The following DNER variants were observed in gnomAD, a reference collection of about 807,000 sequenced individuals.
DNER encodes the protein delta and Notch-like epidermal growth factor-related receptor.
In DNER, 33 loss-of-function variants were observed where a neutral mutation model predicts 78.2. The ratio of observed to expected loss-of-function variants is 0.42; its 90% CI spans 0.32 to 0.56. The LOEUF (loss-of-function observed/expected upper bound fraction) is 0.56, where lower values mean the gene tolerates loss of function less well. Ranked by LOEUF, DNER falls within the 20% of genes least tolerant of loss-of-function variation. The pLI is 0.11. For missense variants in DNER, 918 were observed against 975.3 expected (o/e 0.94, Z 0.78); for synonymous variants, 417 against 384.8 (o/e 1.08, Z -0.98).
intron 5 of DNER, among the ~76,000 whole-genome samples, chr2:229,535,549 C>T (rs919071179): frequency 1.3e-5 from 2 of 152,144 alleles, no homozygotes; most frequent in Non-Finnish European, 2.9e-5. Context: ...TGCTACTATA[C>T]TATCCTCTAA....
intron 1 of DNER, among the ~76,000 whole-genome samples, chr2:229,650,242 A>G (rs1382784277): frequency 6.6e-6 from 1 of 152,110 alleles, no homozygotes; most frequent in Non-Finnish European, 1.5e-5. Context: ...CTCCCAGTGG[A>G]AAAAAATGTG....
At chr2:229,536,817 G>A (rs948878053) in intron 5 of DNER, among the ~76,000 whole-genome samples, 2 of 152,140 alleles carry the variant, frequency 1.3e-5, no homozygotes, top group Non-Finnish European at 2.9e-5. Flanking sequence ...GTGAAATCGG[G>A]CCACACACAG....
intron 4 of DNER, among the ~76,000 whole-genome samples, chr2:229,575,167 T>C (rs553911078): frequency 2.0e-4 from 31 of 152,184 alleles, no homozygotes; most frequent in African/African-American, 7.5e-4. Context: ...TTTTTTTAAA[T>C]AGAGTGTTGA....
At chr2:229,564,501 C>T (rs1269426668) in intron 4 of DNER, among the ~76,000 whole-genome samples, 2 of 145,650 alleles carry the variant, frequency 1.4e-5, no homozygotes, top group Non-Finnish European at 3.0e-5. Flanking sequence ...CACACCATCA[C>T]CATCATCATC....
chr2:229,691,158 T>A (rs974241307), intron 1 of DNER, among the ~76,000 whole-genome samples: 4 of 152,052 alleles, frequency 2.6e-5, no homozygotes, highest in African/African-American at 9.7e-5. Flanking sequence ...TCTCAAGGAG[T>A]ATCTGAATTT....
At chr2:229,448,430 C>T (rs184948404) in intron 7 of DNER, among the ~76,000 whole-genome samples, 3 of 152,280 alleles carry the variant, frequency 2.0e-5, no homozygotes, top group Admixed American at 6.5e-5. Flanking sequence ...ATGTTTTAAA[C>T]TTGGATTGTG....
chr2:229,516,093 T>C (rs1695964914), intron 5 of DNER, among the ~76,000 whole-genome samples: 2 of 152,218 alleles, frequency 1.3e-5, no homozygotes, highest in South Asian at 4.1e-4. Flanking sequence ...ATTCTTAAAT[T>C]TTCACTGAGA....
Position 229,358,610 on chromosome 2 carries a change from G to A in DNER, c.2144C>T (p.Pro715Leu). The change falls in exon 13 of 13, where the codon CCC becomes CTC. Residue 715 changes from proline (P) to leucine (L), a missense_variant. By Grantham distance (98) the Pro-to-Leu change is moderately conservative. Coordinates refer to ENST00000341772, the MANE Select transcript of DNER (RefSeq NM_139072.4). ...KSRPAMYDVSPIAYEDYSPDD... is the reference protein window; with the variant it reads ...KSRPAMYDVSLIAYEDYSPDD... Reference sequence around the variant, plus strand: ...AGGACTGTAATCTTCATAGGCGATGGGGCTCACATCATACATTGCAGGCCG... The same window carrying A: ...AGGACTGTAATCTTCATAGGCGATGAGGCTCACATCATACATTGCAGGCCG... 1 of 1,613,784 alleles carries A rather than the reference G, an allele frequency of 6.2e-7. No individual in the cohort carries two copies. Among genetic ancestry groups the A allele is most frequent in the Non-Finnish European group, 8.5e-7 (1 of 1,179,890 alleles).
chr2:229,556,770 T>G (rs1197231161), intron 4 of DNER, among the ~76,000 whole-genome samples: 2 of 152,222 alleles, frequency 1.3e-5, no homozygotes, highest in Non-Finnish European at 2.9e-5. Context: ...AGATGATTAC[T>G]GAAATCAGTC....
At chr2:229,491,617 C>A (rs1039585754) in intron 6 of DNER, among the ~76,000 whole-genome samples, 1 of 152,158 alleles carries the variant, frequency 6.6e-6, no homozygotes, top group Admixed American at 6.5e-5. Flanking sequence ...CAAACATTTC[C>A]CCTTCTAGGA....
At chr2:229,493,846 T>C (rs548610790) in intron 6 of DNER, among the ~76,000 whole-genome samples, 1 of 152,284 alleles carries the variant, frequency 6.6e-6, no homozygotes, top group African/African-American at 2.4e-5. Context: ...GAGAGTTGCA[T>C]AATCTTCCCA....
intron 1 of DNER, among the ~76,000 whole-genome samples, chr2:229,659,619 T>C (rs1698973465): frequency 6.6e-6 from 1 of 152,114 alleles, no homozygotes; most frequent in Admixed American, 6.6e-5. Flanking sequence ...CTGATGGAAG[T>C]TATGAAGGCT....
intron 1 of DNER, among the ~76,000 whole-genome samples, chr2:229,606,912 A>AC (rs1574924898): frequency 6.6e-6 from 1 of 150,986 alleles, no homozygotes; most frequent in East Asian, 2.0e-4. Context: ...ACCACCACCA[A>AC]CAACAACAAC....
intron 5 of DNER, among the ~76,000 whole-genome samples, chr2:229,533,535 A>G (rs1696346370): frequency 6.6e-6 from 1 of 152,138 alleles, no homozygotes; most frequent in Admixed American, 6.5e-5. Context: ...AATTTGATGA[A>G]TGAACCCTCA....
At chr2:229,410,648 T>C (rs922445258) in intron 9 of DNER, among the ~76,000 whole-genome samples, 5 of 152,174 alleles carry the variant, frequency 3.3e-5, no homozygotes, top group Non-Finnish European at 7.3e-5. Context: ...CTAATAAAAA[T>C]TCATACTTTT....
At chr2:229,461,841 T>C (rs1694709729) in intron 7 of DNER, among the ~76,000 whole-genome samples, 1 of 151,966 alleles carries the variant, frequency 6.6e-6, no homozygotes, top group Non-Finnish European at 1.5e-5. Context: ...AGACCTAAGA[T>C]GATGGACATA....
At chr2:229,556,154 A>G (rs938413290) in intron 4 of DNER, among the ~76,000 whole-genome samples, 1 of 152,238 alleles carries the variant, frequency 6.6e-6, no homozygotes, top group Non-Finnish European at 1.5e-5. Flanking sequence ...TATACAAGGC[A>G]TAGTTTTCTA....
At chr2:229,442,949 C>T (rs1471566993) in intron 8 of DNER, among the ~76,000 whole-genome samples, 1 of 152,084 alleles carries the variant, frequency 6.6e-6, no homozygotes, top group Non-Finnish European at 1.5e-5. Flanking sequence ...CTTTGGTTTA[C>T]AGCCTATTAT....
intron 1 of DNER, among the ~76,000 whole-genome samples, chr2:229,626,164 C>G (rs1698340208): frequency 6.6e-6 from 1 of 152,192 alleles, no homozygotes; most frequent in Admixed American, 6.5e-5. Flanking sequence ...CGTGATCCGC[C>G]TGCCTCGGCC....
Sources: gnomAD v4.1 joint callset for allele counts (sites outside exome capture counted in the v4.1 genomes callset) on GRCh38, gnomAD v4.1.1 for gene constraint, MANE v1.5 for transcripts, NCBI Gene and HGNC (gene_info 2026-07-23, HGNC 2026-07-21) for gene names.